The following PHF20 variants were observed in gnomAD, a reference collection of about 807,000 sequenced individuals.
The protein encoded by PHF20 is glioma-expressed antigen 2.
PHF20 carries 23 observed loss-of-function variants against 113.5 expected under a neutral mutation model. The observed-to-expected ratio is 0.20, with a 90% CI of 0.15 to 0.29. PHF20 has a LOEUF of 0.29. PHF20 is among the 10% of genes least tolerant of loss of function. The pLI is 1.00. For missense variants in PHF20, 943 were observed against 1,219.6 expected, an observed-to-expected ratio of 0.77 and a Z score of 3.38; for synonymous variants, 434 against 457.3, an observed-to-expected ratio of 0.95 and a Z score of 0.65.
At chr20:35,823,670 A>G (rs1356158211) in intron 2 of PHF20, among the ~76,000 whole-genome samples, 1 of 151,664 alleles carries the variant, frequency 6.6e-6, no homozygotes, top group South Asian at 2.1e-4. Context: ...GAAGAAAGAA[A>G]AAAAAAGATA....
chr20:35,898,818 C>T (rs2147055999), intron 9 of PHF20, among the ~76,000 whole-genome samples: 2 of 152,284 alleles, frequency 1.3e-5, no homozygotes, highest in South Asian at 4.1e-4. Flanking sequence ...ACCATATTGG[C>T]CAGGCTGGTC....
intron 10 of PHF20, among the ~76,000 whole-genome samples, chr20:35,908,267 C>G (rs955476070): frequency 2.0e-5 from 3 of 152,236 alleles, no homozygotes; most frequent in African/African-American, 7.2e-5. Flanking sequence ...TCCTGTTCCT[C>G]AGGGACTCAC....
chr20:35,777,340 G>C (rs966569980), intron 1 of PHF20, among the ~76,000 whole-genome samples: 1 of 152,200 alleles, frequency 6.6e-6, no homozygotes, highest in Non-Finnish European at 1.5e-5. Context: ...AAGCAAGCAG[G>C]TTGTTTGCCT....
intron 15 of PHF20, among the ~76,000 whole-genome samples, chr20:35,933,399 ATTT>A (rs760196869): frequency 1.7e-5 from 2 of 118,662 alleles, no homozygotes; most frequent in African/African-American, 6.3e-5. Context: ...CACCTGGATA[ATTT>A]TTTTTTTTTT....
chr20:35,791,537 GTATATA>G (rs59752864), intron 1 of PHF20, among the ~76,000 whole-genome samples: 54 of 127,208 alleles, frequency 4.2e-4, no homozygotes, highest in African/African-American at 1.0e-3. Context: ...TTAGAATAGT[GTATATA>G]TATATATATA....
At chr20:35,900,582 C>T (rs1173728608) in intron 10 of PHF20, among the ~76,000 whole-genome samples, 1 of 152,170 alleles carries the variant, frequency 6.6e-6, no homozygotes, top group Non-Finnish European at 1.5e-5. Context: ...GCCTATAATT[C>T]CAGTGCTTTG....
chr20:35,924,167 A>G (rs1053638290), intron 13 of PHF20, among the ~76,000 whole-genome samples: 6 of 150,198 alleles, frequency 4.0e-5, no homozygotes, highest in South Asian at 4.2e-4. Context: ...CATTTTATGT[A>G]TAGTATTTTC....
At chr20:35,777,161 T>G (rs772343751) in intron 1 of PHF20, among the ~76,000 whole-genome samples, 2 of 152,230 alleles carry the variant, frequency 1.3e-5, no homozygotes, top group African/African-American at 2.4e-5. Context: ...CATTCAATGT[T>G]TGTGACTTCT....
intron 1 of PHF20, among the ~76,000 whole-genome samples, chr20:35,777,624 T>C (rs2041201248): frequency 6.6e-6 from 1 of 152,204 alleles, no homozygotes; most frequent in African/African-American, 2.4e-5. Context: ...AAGACCAGCC[T>C]GGGCAACAAA....
intron 4 of PHF20, among the ~76,000 whole-genome samples, chr20:35,852,404 C>G (rs1600827102): frequency 6.6e-6 from 1 of 152,212 alleles, no homozygotes; most frequent in East Asian, 1.9e-4. Context: ...CGGTTCACTG[C>G]CTTTGCTCTG....
intron 10 of PHF20, among the ~76,000 whole-genome samples, chr20:35,900,721 G>A (rs532872131): frequency 1.3e-5 from 2 of 152,008 alleles, no homozygotes; most frequent in South Asian, 4.2e-4. Context: ...CCTGTAATCC[G>A]AGCTACTCTG....
Position 35,876,475 on chromosome 20 carries a change from GC to G in PHF20, c.1282+4647del, listed in dbSNP as rs557120644. On this transcript the variant is annotated intron_variant, in intron 9 of 17. Coordinates refer to ENST00000374012, the MANE Select transcript of PHF20 (RefSeq NM_016436.5). Reference sequence around the variant, plus strand: ...AATCCTAGCTACTCGGGAGGCTGAGGCAGGAGAGTTGCTTGAACCTGGGAGG... The same window carrying G: ...AATCCTAGCTACTCGGGAGGCTGAGGAGGAGAGTTGCTTGAACCTGGGAGG... 4.7e-4 allele frequency among the ~76,000 whole-genome samples: 72 copies of G among 152,096 alleles called. 1 individual carries two copies. Among genetic ancestry groups the G allele is most frequent in the South Asian group, 1.0e-3 (5 of 4,816 alleles).
At chr20:35,845,453 C>A (rs867304627) in intron 3 of PHF20, 6 of 349,556 alleles carry the variant, frequency 1.7e-5, no homozygotes, top group Middle Eastern at 1.6e-3. Flanking sequence ...GTAGCCTTGA[C>A]CTCTTGGGCT....
intron 2 of PHF20, among the ~76,000 whole-genome samples, chr20:35,830,887 C>T (rs1175150407): frequency 1.3e-5 from 2 of 151,970 alleles, no homozygotes; most frequent in East Asian, 3.9e-4. Flanking sequence ...TCTCTCTCCC[C>T]TGTCCTGCTG....
chr20:35,882,284 G>A (rs950076542), intron 9 of PHF20, among the ~76,000 whole-genome samples: 11 of 152,112 alleles, frequency 7.2e-5, no homozygotes, highest in Non-Finnish European at 1.5e-5. Context: ...ATTCCATGGT[G>A]GTTACATGGT....
At chr20:35,927,491 C>T (rs1023846334) in intron 13 of PHF20, among the ~76,000 whole-genome samples, 2 of 152,148 alleles carry the variant, frequency 1.3e-5, no homozygotes, top group African/African-American at 2.4e-5. Flanking sequence ...AGTGTCTGAG[C>T]CATAATTCAA....
intron 4 of PHF20, among the ~76,000 whole-genome samples, chr20:35,854,541 CCT>C (rs768868276): frequency 2.0e-5 from 3 of 152,144 alleles, no homozygotes. Flanking sequence ...AAAATGTGGG[CCT>C]CTCTGTTGTC....
At chr20:35,799,291 CAAAAAAAAAA>C (rs35210007) in intron 1 of PHF20, among the ~76,000 whole-genome samples, 4,867 of 20,842 alleles carry the variant, frequency 0.23, 162 homozygotes, top group African/African-American at 0.34. Context: ...ACTCTCTCTG[CAAAAAAAAAA>C]AAAAAAAAAA....
At chr20:35,791,195 C>T (rs1484997547) in intron 1 of PHF20, among the ~76,000 whole-genome samples, 2 of 152,068 alleles carry the variant, frequency 1.3e-5, no homozygotes, top group Non-Finnish European at 1.5e-5. Context: ...ATCATACTTA[C>T]ATTTTAGAAA....
Sources: allele counts gnomAD v4.1 joint callset (sites outside exome capture counted in the v4.1 genomes callset), GRCh38; gene constraint gnomAD v4.1.1; transcripts MANE v1.5; gene names NCBI Gene and HGNC (gene_info 2026-07-23, HGNC 2026-07-21).